The following PPP1R3A variants were observed in gnomAD, a reference collection of about 807,000 sequenced individuals.
PPP1R3A encodes the protein protein phosphatase 1 regulatory subunit 3A, also known as RG1.
Under a neutral mutation model 41.7 loss-of-function variants are expected in PPP1R3A, and 29 were observed. That is an observed-to-expected ratio of 0.70 (90% CI 0.52 to 0.95). PPP1R3A has a LOEUF of 0.95. PPP1R3A is among the 40% of genes least tolerant of loss of function. The pLI is 0.00. For synonymous variants in PPP1R3A, 485 were observed against 453.4 expected, an observed-to-expected ratio of 1.07 and a Z score of -0.89; for missense variants, 1,352 against 1,292.4, an observed-to-expected ratio of 1.05 and a Z score of -0.71.
chr7:113,905,591 G>A (rs1438218726), intron 1 of PPP1R3A, among the ~76,000 whole-genome samples: 1 of 151,826 alleles, frequency 6.6e-6, no homozygotes, highest in Non-Finnish European at 1.5e-5. Flanking sequence ...ACAATAGAGT[G>A]TAGTAGACAC....
rs1020185544 is a variant in PPP1R3A at position 113,881,198 on chromosome 7, C to T, written c.966+841G>A. On this transcript the variant is annotated intron_variant, in intron 3 of 3. Coordinates refer to ENST00000284601, the MANE Select transcript of PPP1R3A (RefSeq NM_002711.4). ...TGCATACTTTAGTGATGCAGCTCCGCGATCACTATAGAAAAGGTGGAATAT... is the reference window on the plus strand; with the variant it reads ...TGCATACTTTAGTGATGCAGCTCCGTGATCACTATAGAAAAGGTGGAATAT... Among the ~76,000 whole-genome samples, 6 of 152,064 alleles carry T rather than the reference C, an allele frequency of 3.9e-5. No individual in the cohort carries two copies. In the South Asian group the frequency reaches 6.2e-4, roughly 16 times the overall value.
chr7:113,882,266 A>G lies in PPP1R3A; in HGVS notation c.837T>C (p.Asn279=), dbSNP rs1461528811. 1.3e-6 allele frequency: 2 copies of G among 1,504,666 alleles called. No homozygotes were observed. The highest frequency in any genetic ancestry group is 1.1e-5 in the South Asian group (1 of 88,624). 93.2% of individuals were successfully genotyped at this position (1,504,666 alleles called of 1,614,324 possible). The stretch of plus-strand genomic sequence containing the variant: ...AAAATTAATGAAGAATATTACCTGT[A>G]TTCTTTGGATTCTCAAAGTTATTTT... The part of the protein sequence containing the change: ...SEENNFENPK[N]TDTYIPTIIC... Residue 279 remains asparagine (N), a synonymous_variant, in exon 2 of 4, where the codon AAT becomes AAC. Coordinates refer to ENST00000284601, the MANE Select transcript of PPP1R3A (RefSeq NM_002711.4).
At chr7:113,899,106 T>C (rs1480086827) in intron 1 of PPP1R3A, among the ~76,000 whole-genome samples, 2 of 151,740 alleles carry the variant, frequency 1.3e-5, no homozygotes, top group African/African-American at 4.8e-5. Context: ...CTGACTCTAC[T>C]AAGAGTCAGT....
Position 113,918,508 on chromosome 7 carries a change from T to C in PPP1R3A, c.489A>G (p.Leu163=). Residue 163 remains leucine (L), a synonymous_variant, in exon 1 of 4, where the codon TTA becomes TTG. Coordinates refer to ENST00000284601, the MANE Select transcript of PPP1R3A (RefSeq NM_002711.4). ...FEKLVYVRMS[L]DDWQTHYDIL... ...TGTCATAATGTGTCTGCCAGTCATCTAAAGACATTCTTACATATACTAACT... is the reference window on the plus strand; with the variant it reads ...TGTCATAATGTGTCTGCCAGTCATCCAAAGACATTCTTACATATACTAACT... 1.2e-6 allele frequency: 2 copies of C among 1,613,128 alleles called. No homozygotes were observed. The highest frequency in any genetic ancestry group is 1.7e-6 in the Non-Finnish European group (2 of 1,179,594).
At chr7:113,897,131 A>G (rs1796989459) in intron 1 of PPP1R3A, among the ~76,000 whole-genome samples, 1 of 151,874 alleles carries the variant, frequency 6.6e-6, no homozygotes, top group African/African-American at 2.4e-5. Flanking sequence ...ACAATCTTTC[A>G]TTACTATTTC....
chr7:113,914,721 A>C (rs548730525), intron 1 of PPP1R3A, among the ~76,000 whole-genome samples: 3 of 152,126 alleles, frequency 2.0e-5, no homozygotes, highest in Admixed American at 2.0e-4. Context: ...CTAAAAGTTT[A>C]TATGTATTAC....
At chr7:113,895,496 A>C (rs1393118149) in intron 1 of PPP1R3A, among the ~76,000 whole-genome samples, 2 of 151,968 alleles carry the variant, frequency 1.3e-5, no homozygotes, top group African/African-American at 4.8e-5. Flanking sequence ...TCCTGGGCAC[A>C]TTTCTGGATT....
At chr7:113,886,784 T>G (rs896562636) in intron 1 of PPP1R3A, among the ~76,000 whole-genome samples, 7 of 151,996 alleles carry the variant, frequency 4.6e-5, no homozygotes, top group Non-Finnish European at 8.8e-5. Context: ...ATCTAAAGAG[T>G]TGAATTTAAG....
At chr7:113,883,626 T>C (rs556033397) in intron 1 of PPP1R3A, among the ~76,000 whole-genome samples, 6 of 151,962 alleles carry the variant, frequency 3.9e-5, no homozygotes, top group Non-Finnish European at 8.8e-5. Context: ...AGGTCAAAAA[T>C]TATGCCAAGG....
intron 1 of PPP1R3A, among the ~76,000 whole-genome samples, chr7:113,909,847 A>G (rs1309888297): frequency 5.9e-5 from 9 of 152,112 alleles, no homozygotes; most frequent in Non-Finnish European, 1.2e-4. Context: ...CATTAAAGTC[A>G]TGGAACTTTT....
chr7:113,900,533 A>G (rs2129118273), intron 1 of PPP1R3A, among the ~76,000 whole-genome samples: 1 of 150,942 alleles, frequency 6.6e-6, no homozygotes, highest in Non-Finnish European at 1.5e-5. Context: ...ATCAATTTCC[A>G]ATGGTTTGCT....
At position 113,877,899 on chromosome 7, in the gene PPP1R3A, C is replaced by T. The variant is rs368610339; in HGVS notation, c.3193G>A (p.Glu1065Lys). Residue 1065 changes from glutamate to lysine, a missense_variant, in exon 4 of 4, where the codon GAA (glutamate) becomes AAA (lysine). Physicochemically the swap from Glu to Lys is moderately conservative, Grantham distance 56. Coordinates refer to ENST00000284601, the MANE Select transcript of PPP1R3A (RefSeq NM_002711.4). Reference sequence around the variant, plus strand: ...TTGGTATATTTTGAAAACAAAGATTCGTTGCCTTGAGCTTGACTTTCCTCA... The same window carrying T: ...TTGGTATATTTTGAAAACAAAGATTTGTTGCCTTGAGCTTGACTTTCCTCA... The part of the protein sequence containing the change: ...PVEESQAQGN[E>K]SLFSKYTNSK... 109 of 1,612,560 alleles carry T rather than the reference C, an allele frequency of 6.8e-5. No individual in the cohort carries two copies. Among genetic ancestry groups the T allele is most frequent in the Admixed American group, 2.7e-4 (16 of 59,846 alleles).
intron 1 of PPP1R3A, among the ~76,000 whole-genome samples, chr7:113,887,273 TA>T (rs1796800841): frequency 6.6e-6 from 1 of 151,950 alleles, no homozygotes; most frequent in South Asian, 2.1e-4. Context: ...AATTAAAAAG[TA>T]AAAAAGAAAT....
At chr7:113,911,252 TTTTA>T (rs1240262149) in intron 1 of PPP1R3A, among the ~76,000 whole-genome samples, 1 of 152,072 alleles carries the variant, frequency 6.6e-6, no homozygotes, top group African/African-American at 2.4e-5. Flanking sequence ...CAGTTGTTAT[TTTTA>T]TTTAACAGAT....
At chr7:113,881,080 T>G (rs1396449795) in intron 3 of PPP1R3A, among the ~76,000 whole-genome samples, 1 of 152,068 alleles carries the variant, frequency 6.6e-6, no homozygotes. Flanking sequence ...TATTCTGTGG[T>G]TTGAAAAAAA....
At position 113,879,752 on chromosome 7, in the gene PPP1R3A, C is replaced by T. The variant is rs1478623891; in HGVS notation, c.1340G>A (p.Gly447Asp). 2.5e-6 allele frequency: 4 copies of T among 1,613,348 alleles called. No homozygotes were observed. In the African/African-American group the frequency reaches 5.3e-5, roughly 22 times the overall value. Residue 447 changes from glycine (G) to aspartate (D), a missense_variant, in exon 4 of 4, where the codon GGC becomes GAC. Gly to Asp is a moderately conservative substitution (Grantham distance 94). Transcript: ENST00000284601. ...VLDDNANPAH[G>D]NGTVQIPCPS... Reference sequence around the variant, plus strand: ...GCAAGGTATTTGCACTGTGCCATTGCCATGGGCTGGATTAGCATTATCATC... The same window carrying T: ...GCAAGGTATTTGCACTGTGCCATTGTCATGGGCTGGATTAGCATTATCATC...
rs4730600 is a variant in PPP1R3A, at chr7:113,882,460, G to T, written c.783-140C>A. The T allele has an allele frequency of 0.68, 386,749 of 571,454 alleles. 131,746 individuals carry two copies. Among genetic ancestry groups the T allele is most frequent in the South Asian group, 0.76 (38,121 of 50,470 alleles). The allele number at this position is 571,454 out of a possible 1,614,324, so 35.4% of individuals were successfully genotyped here. A position where few individuals can be genotyped will look rare whatever the true frequency, so the allele number is the denominator to read the frequency against. ...CTTATTTTCCTATATTACTTGGGAT[G>T]TTTTGAAATAAAAATGATCTTTTTG... On this transcript the variant is annotated intron_variant, in intron 1 of 3. Transcript: ENST00000284601.
At chr7:113,887,615 T>A (rs1156663817) in intron 1 of PPP1R3A, among the ~76,000 whole-genome samples, 1 of 152,108 alleles carries the variant, frequency 6.6e-6, no homozygotes, top group African/African-American at 2.4e-5. Context: ...AATCAGGAAG[T>A]TTATCTCAAA....
At position 113,878,769 on chromosome 7, in the gene PPP1R3A, G is replaced by C. The variant is rs760472013; in HGVS notation, c.2323C>G (p.Pro775Ala). The change falls in exon 4 of 4, where the codon CCA becomes GCA. Residue 775 changes from proline (P) to alanine (A), a missense_variant. Transcript: ENST00000284601. The part of the protein sequence containing the change: ...PIEVKETAFD[P>A]HEGRNDDSHY... ...GAATCATCATTTCTCCCTTCATGTG[G>C]ATCAAACGCTGTTTCCTTTACCTCG... 2.5e-6 allele frequency: 4 copies of C among 1,613,384 alleles called. No homozygotes were observed. Among genetic ancestry groups the C allele is most frequent in the Non-Finnish European group, 3.4e-6 (4 of 1,179,718 alleles).
Sources: allele counts gnomAD v4.1 joint callset (sites outside exome capture counted in the v4.1 genomes callset), GRCh38; gene constraint gnomAD v4.1.1; transcripts MANE v1.5; gene names NCBI Gene and HGNC (gene_info 2026-07-23, HGNC 2026-07-21).